CACNB1: variants seen among roughly 807,000 people sequenced by gnomAD.
The protein encoded by CACNB1 is voltage-dependent L-type calcium channel subunit beta-1.
In CACNB1, 29 loss-of-function variants were observed where a neutral mutation model predicts 71.6. The ratio of observed to expected loss-of-function variants is 0.40; its 90% confidence interval spans 0.30 to 0.55. The LOEUF is 0.55. Among genes scored for constraint, CACNB1 ranks in the 20% least tolerant of loss-of-function variants. The pLI, the probability that CACNB1 is intolerant of heterozygous loss-of-function variation, is 0.38. For missense variants in CACNB1, 623 were observed against 801.8 expected (o/e 0.78, Z 2.69); for synonymous variants, 300 against 319.6 (o/e 0.94, Z 0.65).
chr17:39,186,463 C>A lies in CACNB1; in HGVS notation c.628+33G>T. 6.4e-7 allele frequency: 1 copy of A among 1,570,818 alleles called. No homozygotes were observed. Among genetic ancestry groups the A allele is most frequent in the South Asian group, 1.1e-5 (1 of 87,762 alleles). The stretch of plus-strand genomic sequence containing the variant: ...GGGAGACCACCCCACCCAGGAGCTT[C>A]TTCCCAAACCCCTGCATGGCGATGG... On this transcript the variant is annotated intron_variant, in intron 6 of 13. Coordinates refer to ENST00000394303, the MANE Select transcript of CACNB1 (RefSeq NM_000723.5). The surrounding 1 kb of genome is among the most constrained non-coding windows in gnomAD (Gnocchi z 4.1).
At position 39,184,319 on chromosome 17, in the gene CACNB1, T is replaced by A. The variant is rs376120125; in HGVS notation, c.788+6A>T. 53 of 1,540,956 alleles carry A rather than the reference T, an allele frequency of 3.4e-5. No homozygotes were observed. In the African/African-American group the frequency reaches 6.2e-4, roughly 18 times the overall value. ...CAGGTGCGAGGAGCAGCTCCCAGGATCTTACCTGCCATCAAACCGATGCTT... is the reference window on the plus strand; with the variant it reads ...CAGGTGCGAGGAGCAGCTCCCAGGAACTTACCTGCCATCAAACCGATGCTT... On this transcript the variant is annotated splice_donor_region_variant and intron_variant, in intron 9 of 13. Transcript: ENST00000394303.
At chr17:39,176,926 AGGCC>A (rs1411550532) in intron 13 of CACNB1, among the ~76,000 whole-genome samples, 3 of 152,148 alleles carry the variant, frequency 2.0e-5, no homozygotes, top group Admixed American at 2.0e-4. Context: ...CTGGCTCTGA[AGGCC>A]CCTGCTCTGT....
Position 39,186,717 on chromosome 17 carries a change from C to A in CACNB1, c.551+76G>T. On this transcript the variant is annotated intron_variant, in intron 5 of 13. Transcript: ENST00000394303. This position sits in a 1 kb window ranked among gnomAD's most constrained non-coding sequence, Gnocchi z 4.1. Reference sequence around the variant, plus strand: ...TCTGTGCCCTCAGGGCCAGGGACAACCATTGAGGCCTAGTCCAGGCTGTAT... The same window carrying A: ...TCTGTGCCCTCAGGGCCAGGGACAAACATTGAGGCCTAGTCCAGGCTGTAT... 2 of 1,582,622 alleles carry A rather than the reference C, an allele frequency of 1.3e-6. No individual in the cohort carries two copies. Among genetic ancestry groups the A allele is most frequent in the Non-Finnish European group, 1.7e-6 (2 of 1,155,522 alleles).
chr17:39,175,437 G>A lies in CACNB1; in HGVS notation c.1553C>T (p.Ser518Leu). ...GGGGTCAGTCTCCATGTCCACACATGAGTCTCCCAGCTCCGTGTAGGCAGA... is the reference window on the plus strand; with the variant it reads ...GGGGTCAGTCTCCATGTCCACACATAAGTCTCCCAGCTCCGTGTAGGCAGA... ...RNSAYTELGD[S>L]CVDMETDPSE... Residue 518 changes from serine (S) to leucine (L), a missense_variant, in exon 14 of 14, where the codon TCA (serine) becomes TTA (leucine). Ser to Leu is a moderately radical substitution (Grantham distance 145). Transcript: ENST00000394303. This position sits in a 1 kb window ranked among gnomAD's most constrained non-coding sequence, Gnocchi z 4.7. 1 of 1,614,210 alleles carries A rather than the reference G, an allele frequency of 6.2e-7. No homozygotes were observed. The highest frequency in any genetic ancestry group is 8.5e-7 in the Non-Finnish European group (1 of 1,180,038).
chr17:39,186,943 G>A lies in CACNB1; in HGVS notation c.415-14C>T. 1.9e-6 allele frequency: 3 copies of A among 1,612,974 alleles called. No homozygotes were observed. Among genetic ancestry groups the A allele is most frequent in the Non-Finnish European group, 2.5e-6 (3 of 1,179,050 alleles). The stretch of plus-strand genomic sequence containing the variant: ...ATTATTGTATTTCTGCAAAGAATAT[G>A]GCAGGTGGGTGGAAAGAGCAAGAGG... On this transcript the variant is annotated splice_polypyrimidine_tract_variant and intron_variant, in intron 4 of 13. Transcript: ENST00000394303. This position sits in a 1 kb window ranked among gnomAD's most constrained non-coding sequence, Gnocchi z 4.1.
At chr17:39,185,010 G>A (rs2045897920) in intron 7 of CACNB1, 121 bp downstream of exon 7, 1 of 1,048,090 alleles carries the variant, frequency 9.5e-7, no homozygotes, top group Non-Finnish European at 1.5e-6. Context: ...GGGGAGGGAT[G>A]GCCAGGGAGA....
intron 3 of CACNB1, among the ~76,000 whole-genome samples, chr17:39,191,018 C>CA (rs2046064027): frequency 6.6e-6 from 1 of 151,708 alleles, no homozygotes; most frequent in Non-Finnish European, 1.5e-5. Flanking sequence ...TCCTGGCTAA[C>CA]ATGGTGAAAC....
chr17:39,178,187 C>A, intron 11 of CACNB1, 108 bp from the exon 12 acceptor site: 2 of 796,942 alleles, frequency 2.5e-6, no homozygotes, highest in Non-Finnish European at 4.5e-6. Flanking sequence ...AGTGTCAAGA[C>A]CCTTGAATGC....
rs200589000 is a variant in CACNB1, at chr17:39,175,220, G to A, written c.1770C>T (p.Gly590=). 1.1e-5 allele frequency: 18 copies of A among 1,613,260 alleles called. No individual in the cohort carries two copies. In the Admixed American group the frequency reaches 2.7e-4, roughly 24 times the overall value. ...VLGRNKNELE[G]WGRGVYIR is the part of the protein sequence containing the mutation. ...AGCGAATGTAGACGCCTCGTCCCCA[G>A]CCCTCCAGCTCATTCTTGTTGCGCC... The change falls in exon 14 of 14, where the codon GGC becomes GGT. Residue 590 remains glycine (G), a synonymous_variant. Coordinates refer to ENST00000394303, the MANE Select transcript of CACNB1 (RefSeq NM_000723.5). This position sits in a 1 kb window ranked among gnomAD's most constrained non-coding sequence, Gnocchi z 4.7.
At chr17:39,183,394 C>G (rs1044407222) in intron 11 of CACNB1, among the ~76,000 whole-genome samples, 1 of 148,870 alleles carries the variant, frequency 6.7e-6, no homozygotes, top group African/African-American at 2.4e-5. Context: ...TGCCAAGTAG[C>G]TGGGTGGCAC....
chr17:39,185,170 A>G lies in CACNB1; in HGVS notation c.629-20T>C, dbSNP rs751761683. The G allele has an allele frequency of 6.2e-7, 1 of 1,611,856 alleles. No homozygotes were observed. Among genetic ancestry groups the G allele is most frequent in the South Asian group, 1.1e-5 (1 of 91,020 alleles). On this transcript the variant is annotated intron_variant, in intron 6 of 13. Transcript: ENST00000394303. ...GTTTGGCTGGGTCCAGAGATTGCCA[A>G]GAGAGGGAAGGGGGAGGAGAGAGGG...
Position 39,186,416 on chromosome 17 carries a change from G to A in CACNB1, c.628+80C>T, listed in dbSNP as rs7220391. The A allele has an allele frequency of 1.8e-3, 1,870 of 1,036,802 alleles. 28 individuals carry two copies. In the African/African-American group the frequency reaches 0.026, roughly 15 times the overall value. 64.2% of individuals were successfully genotyped at this position (1,036,802 alleles called of 1,614,324 possible). A position where few individuals can be genotyped will look rare whatever the true frequency, so the allele number is the denominator to read the frequency against. On this transcript the variant is annotated intron_variant, in intron 6 of 13. Coordinates refer to ENST00000394303, the MANE Select transcript of CACNB1 (RefSeq NM_000723.5). The surrounding 1 kb of genome is among the most constrained non-coding windows in gnomAD (Gnocchi z 4.1). ...AGGATTGGGGTGTTTCCTACTGCAG[G>A]GAAAGGAGGATTCAGGGAGTGGGGA... is the stretch of plus-strand genomic sequence containing the variant.
intron 13 of CACNB1, 127 bp downstream of exon 13, chr17:39,177,223 G>C: frequency 6.4e-7 from 1 of 1,556,718 alleles, no homozygotes; most frequent in Non-Finnish European, 8.7e-7. Context: ...CAGAGCAGGA[G>C]GGAAGACGGG....
intron 3 of CACNB1, among the ~76,000 whole-genome samples, chr17:39,188,316 C>T (rs1175441177): frequency 6.6e-6 from 1 of 151,914 alleles, no homozygotes; most frequent in Non-Finnish European, 1.5e-5. Flanking sequence ...TGGCTCACGC[C>T]TGTAATCCCA....
chr17:39,177,887 G>T, intron 12 of CACNB1, 97 bp downstream of exon 12: 1 of 962,360 alleles, frequency 1.0e-6, no homozygotes, highest in Non-Finnish European at 1.7e-6. Flanking sequence ...CCTGACCCAG[G>T]TGTTCCTGGT....
In CACNB1 at chr17:39,186,942, T is replaced by C. The variant is rs763607004; in HGVS notation, c.415-13A>G. On this transcript the variant is annotated splice_polypyrimidine_tract_variant and intron_variant, in intron 4 of 13. Transcript: ENST00000394303. This position sits in a 1 kb window ranked among gnomAD's most constrained non-coding sequence, Gnocchi z 4.1. Reference sequence around the variant, plus strand: ...CATTATTGTATTTCTGCAAAGAATATGGCAGGTGGGTGGAAAGAGCAAGAG... The same window carrying C: ...CATTATTGTATTTCTGCAAAGAATACGGCAGGTGGGTGGAAAGAGCAAGAG... The C allele has an allele frequency of 6.2e-7, 1 of 1,613,014 alleles. No homozygotes were observed. Among genetic ancestry groups the C allele is most frequent in the South Asian group, 1.1e-5 (1 of 91,068 alleles).
At chr17:39,191,104 T>G (rs35218385) in intron 3 of CACNB1, among the ~76,000 whole-genome samples, 22,895 of 151,888 alleles carry the variant, frequency 0.15, 2,126 homozygotes, top group African/African-American at 0.26. Context: ...CTTGGGAGGC[T>G]GAGGCAGGAG....
At chr17:39,181,521 T>G (rs2045761301) in intron 11 of CACNB1, among the ~76,000 whole-genome samples, 1 of 152,176 alleles carries the variant, frequency 6.6e-6, no homozygotes, top group Non-Finnish European at 1.5e-5. Context: ...ACAGAGCCAG[T>G]AAGTGACAGC....
At chr17:39,180,254 C>A (rs1184407106) in intron 11 of CACNB1, among the ~76,000 whole-genome samples, 1 of 148,008 alleles carries the variant, frequency 6.8e-6, no homozygotes, top group African/African-American at 2.5e-5. Context: ...CAGAGTGAGA[C>A]CCTAGCTCAA....
Sources: allele counts gnomAD v4.1 joint callset (sites outside exome capture counted in the v4.1 genomes callset), GRCh38; gene constraint gnomAD v4.1.1; non-coding constraint Gnocchi (gnomAD v3.1); transcripts MANE v1.5; gene names NCBI Gene and HGNC (gene_info 2026-07-23, HGNC 2026-07-21).